CACNA1E: variants seen among roughly 807,000 people sequenced by gnomAD.
CACNA1E encodes voltage-dependent R-type calcium channel subunit alpha-1E.
A neutral mutation model predicts 259.2 loss-of-function variants in CACNA1E; 40 were observed. That is an observed-to-expected ratio of 0.15 (90% confidence interval 0.12 to 0.20). CACNA1E has a LOEUF of 0.20. Ranked by LOEUF, CACNA1E falls within the 10% of genes least tolerant of loss-of-function variation. The probability of loss-of-function intolerance (pLI) is 1.00; values close to 1 mark genes in which losing one functional copy is unlikely to be tolerated. For synonymous variants in CACNA1E, 1,104 were observed against 1,138.5 expected, an observed-to-expected ratio of 0.97 and a Z score of 0.61; for missense variants, 1,874 against 3,040.1, an observed-to-expected ratio of 0.62 and a Z score of 9.02.
chr1:181,319,275 A>C (rs1202272517), intron 1 of CACNA1E, among the ~76,000 whole-genome samples: 1 of 152,250 alleles, frequency 6.6e-6, no homozygotes, highest in African/African-American at 2.4e-5. Flanking sequence ...CTGAACTCAG[A>C]GAAGTGTTTT....
chr1:181,483,887 G>A lies in CACNA1E; in HGVS notation c.143G>A (p.Arg48Gln), dbSNP rs1446954006. ...AYKQTKAQRA[R>Q]TMALYNPIPV... Reference sequence around the variant, plus strand: ...AAGCAGACGAAAGCACAGAGGGCGCGGACTATGGCTTTGTACAACCCCATT... The same window carrying A: ...AAGCAGACGAAAGCACAGAGGGCGCAGACTATGGCTTTGTACAACCCCATT... The change falls in exon 1 of 48, where the codon CGG becomes CAG. Residue 48 changes from arginine (R) to glutamine (Q), a missense_variant. Transcript: ENST00000367573. The A allele has an allele frequency of 6.2e-7, 1 of 1,613,728 alleles. No individual in the cohort carries two copies. Among genetic ancestry groups the A allele is most frequent in the Admixed American group, 1.7e-5 (1 of 60,008 alleles).
chr1:181,755,496 C>A, intron 28 of CACNA1E, 99 bp downstream of exon 28: 1 of 904,634 alleles, frequency 1.1e-6, no homozygotes, highest in East Asian at 2.5e-5. Flanking sequence ...TCTATCTTAC[C>A]CATCTCTGCT....
At chr1:181,769,068 A>C (rs1659268932) in intron 35 of CACNA1E, among the ~76,000 whole-genome samples, 1 of 152,214 alleles carries the variant, frequency 6.6e-6, no homozygotes. Context: ...ACGTGGTGTC[A>C]GGAAGTGGGA....
At chr1:181,319,812 C>T (rs1650205316) in intron 1 of CACNA1E, among the ~76,000 whole-genome samples, 2 of 152,194 alleles carry the variant, frequency 1.3e-5, no homozygotes, top group African/African-American at 2.4e-5. Context: ...GGTTTCATGT[C>T]ATTTGGATCT....
At chr1:181,518,630 T>A (rs2102661980) in intron 3 of CACNA1E, among the ~76,000 whole-genome samples, 1 of 152,340 alleles carries the variant, frequency 6.6e-6, no homozygotes, top group African/African-American at 2.4e-5. Flanking sequence ...TAGTAGTTGA[T>A]GGGCAGCTGA....
In CACNA1E at chr1:181,390,302, CTTAT is replaced by C. The variant is rs58239460; in HGVS notation, c.-14-22804_-14-22801del. Among the ~76,000 whole-genome samples, 248 of 137,642 alleles carry C rather than the reference CTTAT, an allele frequency of 1.8e-3. 2 individuals are homozygous for C. Among genetic ancestry groups the C allele is most frequent in the African/African-American group, 5.8e-3 (208 of 35,878 alleles). The allele number at this position is 137,642 out of a possible 152,430, so 90.3% of individuals were successfully genotyped here. On this transcript the variant is annotated intron_variant, in intron 1 of 11. Coordinates refer to the CACNA1E transcript ENST00000524607. ...TTACCCAGGAGAGGAGAGGAGACAC[CTTAT>C]TTATTTATTTATTTATTTATTTATT... is the stretch of plus-strand genomic sequence containing the variant.
chr1:181,534,288 G>T (rs911267796), intron 3 of CACNA1E, among the ~76,000 whole-genome samples: 1 of 152,084 alleles, frequency 6.6e-6, no homozygotes, highest in African/African-American at 2.4e-5. Flanking sequence ...TCATTCTGTA[G>T]AAGATTAAAC....
At chr1:181,318,598 G>A (rs2609478) in intron 1 of CACNA1E, among the ~76,000 whole-genome samples, 6,548 of 152,270 alleles carry the variant, frequency 0.043, 289 homozygotes, top group African/African-American at 0.12. Flanking sequence ...CCATGCCTCC[G>A]GGCGCGGGCG....
intron 2 of CACNA1E, among the ~76,000 whole-genome samples, chr1:181,435,361 T>G (rs2102270160): frequency 6.6e-6 from 1 of 152,350 alleles, no homozygotes; most frequent in South Asian, 2.1e-4. Context: ...GAAAATTATC[T>G]AATTGCTCCC....
At chr1:181,516,706 T>A (rs1666611639) in intron 3 of CACNA1E, among the ~76,000 whole-genome samples, 1 of 152,242 alleles carries the variant, frequency 6.6e-6, no homozygotes, top group Admixed American at 6.5e-5. Context: ...AAGTGTGTTA[T>A]CCCTTTCCAT....
chr1:181,621,721 A>T lies in CACNA1E; in HGVS notation c.952-29617A>T, dbSNP rs187597450. 9.2e-4 allele frequency among the ~76,000 whole-genome samples: 140 copies of T among 152,330 alleles called. 2 individuals are homozygous for T. The highest frequency in any genetic ancestry group is 1.7e-3 in the South Asian group (8 of 4,824). ...ATGGCTTAAAGCATGACTGTATCAC[A>T]CGAGTTTTTTTTACTACAACCCTAT... is the stretch of plus-strand genomic sequence containing the variant. On this transcript the variant is annotated intron_variant, in intron 6 of 47. Coordinates refer to ENST00000367573, the MANE Select transcript of CACNA1E (RefSeq NM_001205293.3).
chr1:181,668,262 A>G (rs956565170), intron 7 of CACNA1E, among the ~76,000 whole-genome samples: 3 of 152,180 alleles, frequency 2.0e-5, no homozygotes, highest in African/African-American at 7.2e-5. Context: ...TTTGAAATTG[A>G]CCTTTCTTCA....
At chr1:181,502,543 G>A (rs923959033) in intron 1 of CACNA1E, among the ~76,000 whole-genome samples, 1 of 152,114 alleles carries the variant, frequency 6.6e-6, no homozygotes, top group Non-Finnish European at 1.5e-5. Flanking sequence ...AGGGTGGAGC[G>A]GCTTGCTGAG....
intron 39 of CACNA1E, among the ~76,000 whole-genome samples, chr1:181,783,454 TTGG>T (rs774555877): frequency 6.6e-6 from 1 of 152,044 alleles, no homozygotes; most frequent in Non-Finnish European, 1.5e-5. Flanking sequence ...CATCATTCCC[TTGG>T]TGGAGAAAAA....
At chr1:181,752,265 TC>T in intron 27 of CACNA1E, 26 bp downstream of exon 27, 15 of 1,501,996 alleles carry the variant, frequency 1.0e-5, no homozygotes, top group African/African-American at 1.4e-5. Flanking sequence ...TTTGTTCCCA[TC>T]AAATCCCCTT....
chr1:181,713,141 G>C (rs1292575507), intron 8 of CACNA1E, among the ~76,000 whole-genome samples: 1 of 152,136 alleles, frequency 6.6e-6, no homozygotes, highest in Admixed American at 6.5e-5. Context: ...GAGGAAGGGG[G>C]ATGGCTTCAG....
At chr1:181,735,637 C>T (rs191197433) in intron 21 of CACNA1E, among the ~76,000 whole-genome samples, 1 of 152,350 alleles carries the variant, frequency 6.6e-6, no homozygotes, top group East Asian at 1.9e-4. Context: ...TGGACCTATA[C>T]TCACATGAAT....
At chr1:181,757,176 T>C in intron 30 of CACNA1E, 50 bp downstream of exon 30, 1 of 1,326,652 alleles carries the variant, frequency 7.5e-7, no homozygotes, top group Non-Finnish European at 1.1e-6. Flanking sequence ...CCAGAAAGGA[T>C]TCTTGGGCCA....
intron 2 of CACNA1E, among the ~76,000 whole-genome samples, chr1:181,440,983 CAAAAAAAAAAAAAAAAA>C (rs60257271): frequency 1.0e-4 from 4 of 38,190 alleles, no homozygotes; most frequent in East Asian, 2.0e-3. Flanking sequence ...GACCTTGTTT[CAAAAAAAAAAAAAAAAA>C]AAAAAAAAAA....
Sources: allele counts gnomAD v4.1 joint callset (sites outside exome capture counted in the v4.1 genomes callset), GRCh38; gene constraint gnomAD v4.1.1; transcripts MANE v1.5; gene names NCBI Gene and HGNC (gene_info 2026-07-23, HGNC 2026-07-21).